The following SPAG1 variants were observed in gnomAD, a reference collection of about 807,000 sequenced individuals.
SPAG1 encodes sperm-associated antigen 1.
SPAG1 carries 69 observed loss-of-function variants against 100.5 expected under a neutral mutation model. The observed-to-expected ratio is 0.69, with a 90% CI of 0.57 to 0.84. SPAG1 has a LOEUF of 0.84. Among genes scored for constraint, SPAG1 ranks in the 40% least tolerant of loss-of-function variants. The pLI is 0.00. For missense variants in SPAG1, 955 were observed against 1,133.1 expected, an observed-to-expected ratio of 0.84 and a Z score of 2.26; for synonymous variants, 336 against 411.6, an observed-to-expected ratio of 0.82 and a Z score of 2.22.
chr8:100,214,901 ACC>A (rs1187976201), intron 12 of SPAG1, among the ~76,000 whole-genome samples: 2 of 150,126 alleles, frequency 1.3e-5, no homozygotes, highest in East Asian at 3.9e-4. Context: ...AATTGCTTGA[ACC>A]TGGGAGGCAG....
chr8:100,190,155 CA>C (rs1173446023), intron 8 of SPAG1, among the ~76,000 whole-genome samples: 45 of 150,820 alleles, frequency 3.0e-4, no homozygotes, highest in Admixed American at 3.0e-3. Flanking sequence ...CTAAAAATAC[CA>C]AAAAAAATTA....
At chr8:100,199,409 C>A (rs1210078140) in intron 10 of SPAG1, among the ~76,000 whole-genome samples, 4 of 152,112 alleles carry the variant, frequency 2.6e-5, no homozygotes, top group Admixed American at 2.6e-4. Flanking sequence ...TTTCTATATC[C>A]TCTTTGGAGA....
intron 14 of SPAG1, 30 bp from the exon 15 acceptor site, chr8:100,231,126 C>T (rs767042212): frequency 4.4e-6 from 7 of 1,583,386 alleles, no homozygotes; most frequent in Non-Finnish European, 6.0e-6. Context: ...TGTACAGATA[C>T]TTCCTCTTCT....
chr8:100,168,701 TG>T (rs1251786598), intron 3 of SPAG1, among the ~76,000 whole-genome samples: 1 of 141,876 alleles, frequency 7.0e-6, no homozygotes. Flanking sequence ...TTTTTTTTGT[TG>T]TTGAGACAGA....
chr8:100,226,003 T>G (rs1460362760), intron 14 of SPAG1, among the ~76,000 whole-genome samples: 2 of 151,032 alleles, frequency 1.3e-5, no homozygotes, highest in Non-Finnish European at 3.0e-5. Context: ...AGCTAGTTTT[T>G]TTTTTTTTTT....
At chr8:100,191,359 A>G in intron 8 of SPAG1, 31 bp from the exon 9 acceptor site, 1 of 1,487,150 alleles carries the variant, frequency 6.7e-7, no homozygotes, top group East Asian at 2.3e-5. Context: ...ACATATTAAA[A>G]AACATAACTT....
chr8:100,184,653 T>C lies in SPAG1; in HGVS notation c.621T>C (p.Phe207=), dbSNP rs750848087. 6.3e-7 allele frequency: 1 copy of C among 1,579,806 alleles called. No individual in the cohort carries two copies. The highest frequency in any genetic ancestry group is 1.2e-5 in the South Asian group (1 of 84,610). Residue 207 remains phenylalanine, a synonymous_variant, in exon 7 of 19, where the codon TTT becomes TTC. Coordinates refer to ENST00000388798, the MANE Select transcript of SPAG1 (RefSeq NM_003114.5). ...GTCTAACTGAGAAAGAAAAGGATTTTCTTGCCACTCGTGAAAAGGAGAAAG... is the reference window on the plus strand; with the variant it reads ...GTCTAACTGAGAAAGAAAAGGATTTCCTTGCCACTCGTGAAAAGGAGAAAG... ...TAGLTEKEKD[F]LATREKEKGN...
chr8:100,179,412 C>G (rs1816271247), intron 4 of SPAG1, among the ~76,000 whole-genome samples: 2 of 151,814 alleles, frequency 1.3e-5, no homozygotes, highest in Admixed American at 1.3e-4. Flanking sequence ...AATAATAGTC[C>G]CGGTGTACTA....
intron 13 of SPAG1, 32 bp downstream of exon 13, chr8:100,220,463 A>C (rs767845149): frequency 3.2e-6 from 5 of 1,586,458 alleles, no homozygotes; most frequent in Non-Finnish European, 4.3e-6. Context: ...CCTAAAATCT[A>C]GTTGTTTTAT....
intron 13 of SPAG1, among the ~76,000 whole-genome samples, chr8:100,222,952 A>G (rs1818349281): frequency 6.6e-6 from 1 of 152,188 alleles, no homozygotes; most frequent in Admixed American, 6.5e-5. Context: ...GCCCCTGGCA[A>G]CCACAATCTG....
chr8:100,174,825 T>G (rs1466471585), intron 3 of SPAG1, among the ~76,000 whole-genome samples: 1 of 152,240 alleles, frequency 6.6e-6, no homozygotes, highest in African/African-American at 2.4e-5. Flanking sequence ...CCAACTTCCA[T>G]ATCTTGAAAC....
chr8:100,162,324 C>G lies in SPAG1; in HGVS notation c.44C>G (p.Thr15Arg), dbSNP rs771914055. The G allele has an allele frequency of 6.2e-7, 1 of 1,604,724 alleles. No individual in the cohort carries two copies. The highest frequency in any genetic ancestry group is 8.5e-7 in the Non-Finnish European group (1 of 1,176,472). ...DYPSLWGFGTTKTFKIPIEHL... is the reference protein window; with the variant it reads ...DYPSLWGFGTRKTFKIPIEHL... ...CCATCATTGTGGGGCTTTGGAACAACAAAAACATTCAAAATTCCCATTGAA... is the reference window on the plus strand; with the variant it reads ...CCATCATTGTGGGGCTTTGGAACAAGAAAAACATTCAAAATTCCCATTGAA... Residue 15 changes from threonine (T) to arginine (R), a missense_variant, in exon 2 of 19, where the codon ACA (threonine) becomes AGA (arginine). By Grantham distance (71) the Thr-to-Arg change is moderately conservative (BLOSUM62 -1). Transcript: ENST00000388798.
At chr8:100,160,206 T>C (rs554458365) in intron 1 of SPAG1, among the ~76,000 whole-genome samples, 3 of 152,366 alleles carry the variant, frequency 2.0e-5, no homozygotes, top group African/African-American at 7.2e-5. Flanking sequence ...ATGCAGCGAA[T>C]GTTTCTGAAG....
At chr8:100,211,190 A>G (rs905993296) in intron 10 of SPAG1, among the ~76,000 whole-genome samples, 1 of 152,126 alleles carries the variant, frequency 6.6e-6, no homozygotes, top group African/African-American at 2.4e-5. Context: ...TCTCTGATCT[A>G]CATGTAGAGC....
At chr8:100,194,901 T>G (rs1385819168) in intron 10 of SPAG1, among the ~76,000 whole-genome samples, 1 of 152,134 alleles carries the variant, frequency 6.6e-6, no homozygotes. Context: ...GCGCGGTGGC[T>G]CACACCTATA....
In SPAG1 at chr8:100,199,170, T is replaced by C. The variant is rs372617583; in HGVS notation, c.1096+4902T>C. ...ATTGCTGGATGATATACTAACTCTGTGTTTAACTTTGAGGAAATGCAGACT... is the reference window on the plus strand; with the variant it reads ...ATTGCTGGATGATATACTAACTCTGCGTTTAACTTTGAGGAAATGCAGACT... On this transcript the variant is annotated intron_variant, in intron 10 of 18. Coordinates refer to ENST00000388798, the MANE Select transcript of SPAG1 (RefSeq NM_003114.5). Among the ~76,000 whole-genome samples the C allele has an allele frequency of 2.6e-5, 4 of 152,250 alleles. No individual in the cohort carries two copies. In the East Asian group the frequency reaches 7.7e-4, roughly 29 times the overall value.
intron 9 of SPAG1, among the ~76,000 whole-genome samples, chr8:100,193,360 C>G (rs904926262): frequency 6.6e-6 from 1 of 152,024 alleles, no homozygotes; most frequent in Non-Finnish European, 1.5e-5. Flanking sequence ...ACTCGGGAGG[C>G]AGGGGTGGGA....
intron 2 of SPAG1, 140 bp downstream of exon 2, chr8:100,162,560 A>G (rs528442577): frequency 3.5e-4 from 232 of 664,350 alleles, no homozygotes; most frequent in South Asian, 4.5e-4. Flanking sequence ...TTTTGATCCT[A>G]TGGTTAGTTT....
intron 16 of SPAG1, 74 bp downstream of exon 16, chr8:100,233,611 C>T (rs1008531865): frequency 1.4e-6 from 2 of 1,425,784 alleles, no homozygotes; most frequent in African/African-American, 2.9e-5. Context: ...GCATAAATCT[C>T]CAGATCTTGG....
Sources: gnomAD v4.1 joint callset for allele counts (sites outside exome capture counted in the v4.1 genomes callset) on GRCh38, gnomAD v4.1.1 for gene constraint, MANE v1.5 for transcripts, NCBI Gene and HGNC (gene_info 2026-07-23, HGNC 2026-07-21) for gene names.